PHACTR1: variants seen among roughly 807,000 people sequenced by gnomAD.
The protein encoded by PHACTR1 is phosphatase and actin regulator 1.
Under a neutral mutation model 69.2 loss-of-function variants are expected in PHACTR1, and 16 were observed. The ratio of observed to expected loss-of-function variants is 0.23; its 90% CI spans 0.16 to 0.35. The LOEUF (loss-of-function observed/expected upper bound fraction) is 0.35, where lower values mean the gene tolerates loss of function less well. Among genes scored for constraint, PHACTR1 ranks in the 10% least tolerant of loss-of-function variants. The probability of loss-of-function intolerance (pLI) is 1.00; values close to 1 mark genes in which losing one functional copy is unlikely to be tolerated. For synonymous variants in PHACTR1, 312 were observed against 284.5 expected, an observed-to-expected ratio of 1.10 and a Z score of -0.97; for missense variants, 510 against 734.7, an observed-to-expected ratio of 0.69 and a Z score of 3.54.
chr6:13,011,401 G>A (rs983622874), intron 4 of PHACTR1, among the ~76,000 whole-genome samples: 1 of 152,180 alleles, frequency 6.6e-6, no homozygotes, highest in African/African-American at 2.4e-5. Context: ...TCAGAAAGAT[G>A]GATCCTCAAA....
chr6:12,775,835 C>G (rs9472513), intron 4 of PHACTR1, among the ~76,000 whole-genome samples: 10,654 of 152,170 alleles, frequency 0.07, 465 homozygotes, highest in Admixed American at 0.1. Flanking sequence ...AATTATCAAC[C>G]ATTTTCATTG....
intron 4 of PHACTR1, among the ~76,000 whole-genome samples, chr6:12,922,733 A>G (rs1480159923): frequency 6.6e-6 from 1 of 152,192 alleles, no homozygotes; most frequent in Non-Finnish European, 1.5e-5. Context: ...ATACCTTCTA[A>G]GTAGATCTGA....
At chr6:12,887,815 T>A (rs9367253) in intron 4 of PHACTR1, among the ~76,000 whole-genome samples, 114,746 of 151,818 alleles carry the variant, frequency 0.76, 47,581 homozygotes, top group East Asian at 0.92. Flanking sequence ...ACACCTGTAA[T>A]CCCAGCACTT....
chr6:13,074,866 A>C (rs529291164), intron 5 of PHACTR1, among the ~76,000 whole-genome samples: 1 of 152,192 alleles, frequency 6.6e-6, no homozygotes, highest in Non-Finnish European at 1.5e-5. Flanking sequence ...AGTTAATGGG[A>C]AAAAGCAAGA....
chr6:13,157,578 G>A (rs1197597207), intron 5 of PHACTR1, among the ~76,000 whole-genome samples: 1 of 152,196 alleles, frequency 6.6e-6, no homozygotes, highest in Non-Finnish European at 1.5e-5. Flanking sequence ...AATAGCTCAG[G>A]ATCTTGGACC....
At chr6:12,929,324 A>G (rs1788623343) in intron 4 of PHACTR1, among the ~76,000 whole-genome samples, 1 of 152,036 alleles carries the variant, frequency 6.6e-6, no homozygotes. Flanking sequence ...CCTTGCTTCG[A>G]GAGCGTTTAT....
chr6:12,828,826 G>C (rs368390934), intron 4 of PHACTR1, among the ~76,000 whole-genome samples: 1 of 152,068 alleles, frequency 6.6e-6, no homozygotes, highest in East Asian at 1.9e-4. Context: ...AAGTGGGGTG[G>C]GGTGGTTACG....
intron 10 of PHACTR1, among the ~76,000 whole-genome samples, chr6:13,239,458 C>T (rs1368060684): frequency 1.3e-5 from 2 of 152,052 alleles, no homozygotes; most frequent in Non-Finnish European, 2.9e-5. Flanking sequence ...TGAGCTCAGG[C>T]TATAGCACTA....
chr6:13,116,972 G>T (rs1817913791), intron 5 of PHACTR1, among the ~76,000 whole-genome samples: 1 of 152,196 alleles, frequency 6.6e-6, no homozygotes, highest in Non-Finnish European at 1.5e-5. Flanking sequence ...TTCAGAGCTT[G>T]CCTATTAAAG....
intron 4 of PHACTR1, among the ~76,000 whole-genome samples, chr6:12,958,607 G>A (rs1163268252): frequency 6.6e-6 from 1 of 152,188 alleles, no homozygotes; most frequent in African/African-American, 2.4e-5. Flanking sequence ...AATAAGAAAT[G>A]CTACATGGAT....
intron 10 of PHACTR1, among the ~76,000 whole-genome samples, chr6:13,234,481 A>G (rs1771692771): frequency 6.6e-6 from 1 of 152,208 alleles, no homozygotes; most frequent in Admixed American, 6.5e-5. Flanking sequence ...AGTCAGCAAG[A>G]TAGAAAACAT....
intron 6 of PHACTR1, among the ~76,000 whole-genome samples, chr6:13,162,394 T>C (rs1005184085): frequency 1.3e-5 from 2 of 152,160 alleles, no homozygotes; most frequent in Non-Finnish European, 2.9e-5. Flanking sequence ...CCCAAAGTGC[T>C]GGGATTACAG....
At chr6:12,827,872 TGTGAGG>T (rs1220182185) in intron 4 of PHACTR1, among the ~76,000 whole-genome samples, 1 of 145,790 alleles carries the variant, frequency 6.9e-6, no homozygotes, top group Non-Finnish European at 1.5e-5. Context: ...TTCTGTCTTA[TGTGAGG>T]GTGAGGGGGG....
intron 4 of PHACTR1, among the ~76,000 whole-genome samples, chr6:12,909,037 G>A (rs919799518): frequency 6.6e-6 from 1 of 152,204 alleles, no homozygotes; most frequent in African/African-American, 2.4e-5. Flanking sequence ...CAGTACTTAG[G>A]CAATGGAGGT....
intron 7 of PHACTR1, among the ~76,000 whole-genome samples, chr6:13,199,292 C>G (rs1396072363): frequency 7.2e-6 from 1 of 139,176 alleles, no homozygotes; most frequent in African/African-American, 2.7e-5. Context: ...GAGGCTAAAG[C>G]AGAATTGCTT....
chr6:13,214,595 A>G (rs79867355), intron 8 of PHACTR1, among the ~76,000 whole-genome samples: 375 of 152,304 alleles, frequency 2.5e-3, no homozygotes, highest in African/African-American at 8.7e-3. Context: ...TCCTTAGACT[A>G]AACCTGAAAG....
At chr6:12,928,753 T>C (rs1014809732) in intron 4 of PHACTR1, among the ~76,000 whole-genome samples, 102 of 152,174 alleles carry the variant, frequency 6.7e-4, no homozygotes, top group African/African-American at 2.4e-3. Context: ...CCCAGCCCCC[T>C]GGGCAAGGCA....
At chr6:13,041,833 C>G (rs184745757) in intron 4 of PHACTR1, among the ~76,000 whole-genome samples, 1 of 152,182 alleles carries the variant, frequency 6.6e-6, no homozygotes, top group Non-Finnish European at 1.5e-5. Flanking sequence ...TGTGATGATA[C>G]GTCTCTAGAC....
intron 5 of PHACTR1, among the ~76,000 whole-genome samples, chr6:13,088,316 C>G (rs1226158561): frequency 2.8e-5 from 4 of 144,000 alleles, no homozygotes; most frequent in Non-Finnish European, 5.9e-5. Context: ...CGCCCCACTA[C>G]CCCCCGCAAA....
Sources: allele counts gnomAD v4.1 joint callset (sites outside exome capture counted in the v4.1 genomes callset), GRCh38; gene constraint gnomAD v4.1.1; transcripts MANE v1.5; gene names NCBI Gene and HGNC (gene_info 2026-07-23, HGNC 2026-07-21).